Variants in FAM222A observed in about 807,000 individuals in gnomAD.
FAM222A encodes protein FAM222A.
Under a neutral mutation model 25.8 loss-of-function variants are expected in FAM222A, and 7 were observed. The ratio of observed to expected loss-of-function variants is 0.27; its 90% CI spans 0.15 to 0.51. FAM222A has a LOEUF of 0.51. Ranked by LOEUF, FAM222A falls within the 20% of genes least tolerant of loss-of-function variation. The pLI is 0.97. For synonymous variants in FAM222A, 294 were observed against 298.8 expected (o/e 0.98, Z 0.17); for missense variants, 573 against 640.5 (o/e 0.89, Z 1.14).
chr12:109,722,269 C>A lies in FAM222A; in HGVS notation c.-47+7372C>A, dbSNP rs1887759495. Among the ~76,000 whole-genome samples, 2 of 152,128 alleles carry A rather than the reference C, an allele frequency of 1.3e-5. 1 individual carries two copies. The highest frequency in any genetic ancestry group is 4.1e-4 in the South Asian group (2 of 4,832). ...GGACTGTGGAAGGAGCCAGGGCTGG[C>A]CTGGATGTTTGGACTTTGCTTTCCC... On this transcript the variant is annotated intron_variant, in intron 1 of 2. Transcript: ENST00000538780.
At chr12:109,733,721 C>T (rs138275877) in intron 1 of FAM222A, among the ~76,000 whole-genome samples, 5 of 152,288 alleles carry the variant, frequency 3.3e-5, no homozygotes, top group Non-Finnish European at 7.4e-5. Flanking sequence ...TTACATATTT[C>T]TATCAGACAG....
intron 1 of FAM222A, among the ~76,000 whole-genome samples, chr12:109,728,106 C>T (rs1887876581): frequency 2.6e-5 from 4 of 152,342 alleles, no homozygotes; most frequent in African/African-American, 9.6e-5. Context: ...GGTACCTAAG[C>T]ACACTCGGGC....
intron 1 of FAM222A, among the ~76,000 whole-genome samples, chr12:109,743,697 G>T (rs1888308573): frequency 6.6e-6 from 1 of 151,096 alleles, no homozygotes. Context: ...TGCCCAAGAT[G>T]ACCAAGTGGG....
At chr12:109,716,078 G>A (rs1887638908) in intron 1 of FAM222A, among the ~76,000 whole-genome samples, 1 of 152,240 alleles carries the variant, frequency 6.6e-6, no homozygotes, top group African/African-American at 2.4e-5. Context: ...CGAGCATATT[G>A]TGAGGCTGCT....
In FAM222A at chr12:109,761,590, G is replaced by A. The variant is rs939403200; in HGVS notation, c.83-6422G>A. Among the ~76,000 whole-genome samples the A allele has an allele frequency of 2.0e-5, 3 of 152,324 alleles. No homozygotes were observed. The East Asian group carries it at 5.8e-4, about 29-fold the overall frequency. On this transcript the variant is annotated intron_variant, in intron 2 of 2. Coordinates refer to ENST00000538780, the MANE Select transcript of FAM222A (RefSeq NM_032829.3). The stretch of plus-strand genomic sequence containing the variant: ...TTCCAGAGAGAAGGAGAGAGCCTGC[G>A]AGGGTGTAGTAAGTTACAGGCATGT...
At chr12:109,726,223 C>T (rs1295253056) in intron 1 of FAM222A, among the ~76,000 whole-genome samples, 4 of 151,870 alleles carry the variant, frequency 2.6e-5, no homozygotes, top group Non-Finnish European at 5.9e-5. Context: ...CCTAGAATAG[C>T]TCATCAGGTT....
intron 1 of FAM222A, among the ~76,000 whole-genome samples, chr12:109,723,580 C>G (rs1244669994): frequency 1.3e-5 from 2 of 152,230 alleles, no homozygotes; most frequent in African/African-American, 2.4e-5. Flanking sequence ...AGTCAGGGCA[C>G]CCAGCACTGG....
chr12:109,759,413 T>C (rs1423735454), intron 2 of FAM222A, among the ~76,000 whole-genome samples: 1 of 152,002 alleles, frequency 6.6e-6, no homozygotes, highest in Non-Finnish European at 1.5e-5. Context: ...CTCTGGCACA[T>C]CCCCAACCCA....
chr12:109,724,332 A>G (rs915936628), intron 1 of FAM222A, among the ~76,000 whole-genome samples: 2 of 144,778 alleles, frequency 1.4e-5, no homozygotes, highest in African/African-American at 5.6e-5. Context: ...TCATGGAAAC[A>G]TGTGAAAGAG....
chr12:109,730,137 A>T (rs1235441488), intron 1 of FAM222A, among the ~76,000 whole-genome samples: 1 of 152,114 alleles, frequency 6.6e-6, no homozygotes, highest in Non-Finnish European at 1.5e-5. Flanking sequence ...CACGCCACCC[A>T]AACGGCCCAC....
chr12:109,763,341 G>A (rs1328689157), intron 2 of FAM222A, among the ~76,000 whole-genome samples: 2 of 152,234 alleles, frequency 1.3e-5, no homozygotes, highest in Non-Finnish European at 2.9e-5. Context: ...GTAAAACTCA[G>A]TGGCTTAAGG....
intron 1 of FAM222A, among the ~76,000 whole-genome samples, chr12:109,735,403 C>T (rs1456092941): frequency 1.3e-5 from 2 of 152,180 alleles, no homozygotes; most frequent in East Asian, 1.9e-4. Flanking sequence ...CGTGAGGTGA[C>T]GTCTGTAAAG....
intron 2 of FAM222A, among the ~76,000 whole-genome samples, chr12:109,753,702 C>T (rs1158088366): frequency 1.3e-5 from 2 of 151,706 alleles, no homozygotes; most frequent in African/African-American, 2.4e-5. Flanking sequence ...AATTCCCAGC[C>T]TCACCCCACC....
At chr12:109,763,918 T>G in intron 2 of FAM222A, among the ~76,000 whole-genome samples, 1 of 151,424 alleles carries the variant, frequency 6.6e-6, no homozygotes, top group Middle Eastern at 3.2e-3. Flanking sequence ...CAAACGAGAG[T>G]CATCAAGAAA....
intron 2 of FAM222A, among the ~76,000 whole-genome samples, chr12:109,750,722 G>A (rs1888537275): frequency 6.6e-6 from 1 of 151,488 alleles, no homozygotes; most frequent in Non-Finnish European, 1.5e-5. Context: ...CAATACTCCT[G>A]GAGTTTCTGC....
chr12:109,767,258 T>G (rs528330267), intron 2 of FAM222A, among the ~76,000 whole-genome samples: 9 of 151,890 alleles, frequency 5.9e-5, no homozygotes, highest in African/African-American at 2.2e-4. Flanking sequence ...CCAGGTGCAG[T>G]GGCTCATGCC....
At chr12:109,767,811 T>C (rs1469691003) in intron 2 of FAM222A, among the ~76,000 whole-genome samples, 2 of 152,178 alleles carry the variant, frequency 1.3e-5, no homozygotes, top group Non-Finnish European at 2.9e-5. Context: ...AAAACAGGTG[T>C]GTTCCTTTTG....
In FAM222A at chr12:109,753,063, C is replaced by G. The variant is rs143871015; in HGVS notation, c.82+8835C>G. ...TCCCCACTAATTAATAAATATTTGA[C>G]TTTCCCATTATGGAGTTAATATGCA... On this transcript the variant is annotated intron_variant, in intron 2 of 2. Coordinates refer to ENST00000538780, the MANE Select transcript of FAM222A (RefSeq NM_032829.3). 3.3e-5 allele frequency among the ~76,000 whole-genome samples: 5 copies of G among 152,336 alleles called. No individual in the cohort carries two copies. The East Asian group carries it at 9.6e-4, about 29-fold the overall frequency.
At chr12:109,733,360 T>TA (rs1887993185) in intron 1 of FAM222A, among the ~76,000 whole-genome samples, 1 of 152,220 alleles carries the variant, frequency 6.6e-6, no homozygotes, top group South Asian at 2.1e-4. Flanking sequence ...AATTTCCTCT[T>TA]ACTGCTAGAA....
Sources: gnomAD v4.1 joint callset for allele counts (sites outside exome capture counted in the v4.1 genomes callset) on GRCh38, gnomAD v4.1.1 for gene constraint, MANE v1.5 for transcripts, NCBI Gene and HGNC (gene_info 2026-07-23, HGNC 2026-07-21) for gene names.